Variants in SAMD5 observed in about 807,000 individuals in gnomAD.
SAMD5 encodes the protein sterile alpha motif domain-containing protein 5.
SAMD5 carries 13 observed loss-of-function variants against 11.3 expected under a neutral mutation model. That is an observed-to-expected ratio of 1.15 (90% CI 0.75 to 1.83). SAMD5 has a LOEUF of 1.83. Among genes scored for constraint, SAMD5 ranks in the 40% most tolerant of loss-of-function variants. The probability of loss-of-function intolerance (pLI) is 0.00; values close to 1 mark genes in which losing one functional copy is unlikely to be tolerated. For synonymous variants in SAMD5, 129 were observed against 111.3 expected, an observed-to-expected ratio of 1.16 and a Z score of -1.00; for missense variants, 255 against 239.1, an observed-to-expected ratio of 1.07 and a Z score of -0.44.
the SAMD5 span, among the ~76,000 whole-genome samples, chr6:147,934,662 A>G: frequency 2.6e-5 from 4 of 152,168 alleles, no homozygotes; most frequent in Non-Finnish European, 5.9e-5. Context: ...GAGGATTGAG[A>G]GAGAGAGGGA....
chr6:147,945,303 A>G, the SAMD5 span, among the ~76,000 whole-genome samples: 50 of 152,258 alleles, frequency 3.3e-4, no homozygotes, highest in African/African-American at 1.2e-3. Context: ...ACTGACCTCT[A>G]TCTTCTTGGG....
At chr6:147,659,696 TA>T (rs745582978) in intron 1 of SAMD5, among the ~76,000 whole-genome samples, 2 of 152,252 alleles carry the variant, frequency 1.3e-5, no homozygotes, top group Non-Finnish European at 2.9e-5. Flanking sequence ...AAGTAGTGGC[TA>T]AAGTAATAAG....
rs573661055 is a variant in SAMD5, at chr6:147,595,835, CT to C, written c.162+86454del. ...CCACTGTGCCCAGTCTAAACTACTA[CT>C]TTTTTAATTAGTAGGCAAGCCATCC... On this transcript the variant is annotated intron_variant, in intron 1 of 1. Transcript: ENST00000566741. Among the ~76,000 whole-genome samples, 1,392 of 151,966 alleles carry C rather than the reference CT, an allele frequency of 9.2e-3. 14 individuals carry two copies. Among genetic ancestry groups the C allele is most frequent in the Middle Eastern group, 0.024 (7 of 294 alleles).
At chr6:147,701,507 G>T (rs548007556) in intron 1 of SAMD5, among the ~76,000 whole-genome samples, 1 of 152,078 alleles carries the variant, frequency 6.6e-6, no homozygotes, top group Admixed American at 6.5e-5. Flanking sequence ...GGTGACACGC[G>T]CCTGTAATCC....
chr6:147,541,193 G>T (rs146642091), intron 1 of SAMD5, among the ~76,000 whole-genome samples: 1 of 151,812 alleles, frequency 6.6e-6, no homozygotes, highest in Non-Finnish European at 1.5e-5. Flanking sequence ...CAAGTGATCC[G>T]CCAGCCTCAG....
chr6:147,873,049 C>T, the SAMD5 span, among the ~76,000 whole-genome samples: 8 of 152,138 alleles, frequency 5.3e-5, no homozygotes, highest in Non-Finnish European at 1.0e-4. Context: ...AAAAATTGCA[C>T]TCTTAAATAT....
chr6:147,661,949 A>T, intron 1 of SAMD5, among the ~76,000 whole-genome samples: 1 of 152,180 alleles, frequency 6.6e-6, no homozygotes, highest in East Asian at 1.9e-4. Flanking sequence ...CGTTCTTTTA[A>T]ATAAGATGCT....
chr6:147,658,481 G>A (rs12204442), intron 1 of SAMD5, among the ~76,000 whole-genome samples: 42,569 of 151,922 alleles, frequency 0.28, 7,336 homozygotes, highest in Middle Eastern at 0.39. Context: ...TTTAGCAACT[G>A]AGATAATTGA....
At chr6:147,928,482 T>C in the SAMD5 span, among the ~76,000 whole-genome samples, 1 of 152,120 alleles carries the variant, frequency 6.6e-6, no homozygotes, top group Non-Finnish European at 1.5e-5. Context: ...TTTTGATAGT[T>C]ATTTTTATTT....
At chr6:147,794,534 A>C in the SAMD5 span, among the ~76,000 whole-genome samples, 1 of 152,176 alleles carries the variant, frequency 6.6e-6, no homozygotes, top group Non-Finnish European at 1.5e-5. Context: ...GTTAAAGCTA[A>C]TGGATTTAGA....
intron 1 of SAMD5, among the ~76,000 whole-genome samples, chr6:147,535,660 T>G (rs2128441539): frequency 6.6e-6 from 1 of 152,358 alleles, no homozygotes; most frequent in East Asian, 1.9e-4. Flanking sequence ...CTTAGGCTTT[T>G]TAAATTGGCT....
At chr6:147,681,446 G>A (rs1790939095) in intron 1 of SAMD5, among the ~76,000 whole-genome samples, 1 of 151,716 alleles carries the variant, frequency 6.6e-6, no homozygotes. Flanking sequence ...CTGTTTTCTT[G>A]TTTATATCAA....
chr6:147,584,809 A>G (rs977081523), intron 1 of SAMD5, among the ~76,000 whole-genome samples: 3 of 152,342 alleles, frequency 2.0e-5, no homozygotes. Context: ...AAAATATAAC[A>G]TGTGTGTTAT....
At chr6:147,561,640 T>A (rs1788952439) in intron 1 of SAMD5, among the ~76,000 whole-genome samples, 1 of 152,030 alleles carries the variant, frequency 6.6e-6, no homozygotes, top group Admixed American at 6.6e-5. Flanking sequence ...TTCATAGGGG[T>A]GTGCCTAATA....
At chr6:147,759,207 C>T in the SAMD5 span, among the ~76,000 whole-genome samples, 7 of 152,272 alleles carry the variant, frequency 4.6e-5, no homozygotes, top group African/African-American at 1.2e-4. Flanking sequence ...ATAGATGCCC[C>T]ATTATGGAGT....
chr6:147,654,808 A>C (rs1224509173), intron 1 of SAMD5, among the ~76,000 whole-genome samples: 1 of 151,462 alleles, frequency 6.6e-6, no homozygotes, highest in African/African-American at 2.4e-5. Context: ...AACAAAGTGC[A>C]GGAAACCCAA....
chr6:147,783,673 A>G, the SAMD5 span, among the ~76,000 whole-genome samples: 1 of 152,296 alleles, frequency 6.6e-6, no homozygotes, highest in Admixed American at 6.5e-5. Context: ...TGCTGGGACT[A>G]CAGATGTGAG....
chr6:147,951,276 G>A, the SAMD5 span, among the ~76,000 whole-genome samples: 1 of 151,560 alleles, frequency 6.6e-6, no homozygotes, highest in Non-Finnish European at 1.5e-5. Context: ...CCGCCTTCCG[G>A]GTTCACGCCA....
the SAMD5 span, among the ~76,000 whole-genome samples, chr6:147,931,440 T>G: frequency 6.6e-6 from 1 of 152,196 alleles, no homozygotes; most frequent in African/African-American, 2.4e-5. Context: ...AAGTATAATC[T>G]CTGTCTTCTC....
Sources: gnomAD v4.1 joint callset for allele counts (sites outside exome capture counted in the v4.1 genomes callset) on GRCh38, gnomAD v4.1.1 for gene constraint, MANE v1.5 for transcripts, NCBI Gene and HGNC (gene_info 2026-07-23, HGNC 2026-07-21) for gene names.